The following ZNF331 variants were observed in gnomAD, a reference collection of about 807,000 sequenced individuals.
ZNF331 encodes the protein C2H2-like zinc finger protein rearranged in thyroid adenomas.
A neutral mutation model predicts 7.0 loss-of-function variants in ZNF331; 2 were observed. That is an observed-to-expected ratio of 0.29 (90% CI 0.12 to 0.90). ZNF331 has a LOEUF of 0.90. ZNF331 is among the 40% of genes least tolerant of loss of function. The pLI is 0.58. For missense variants in ZNF331, 432 were observed against 587.7 expected (o/e 0.74, Z 2.74); for synonymous variants, 196 against 205.4 (o/e 0.95, Z 0.39).
chr19:53,522,256 G>GTTTTTTT (rs560872830), intron 1 of ZNF331, among the ~76,000 whole-genome samples: 5 of 139,568 alleles, frequency 3.6e-5, no homozygotes, highest in Non-Finnish European at 4.7e-5. Context: ...TTCTTTCTTT[G>GTTTTTTT]TTTTTTTTTT....
intron 3 of ZNF331, among the ~76,000 whole-genome samples, chr19:53,561,877 A>G (rs867333009): frequency 2.0e-5 from 3 of 152,036 alleles, no homozygotes; most frequent in Non-Finnish European, 4.4e-5. Context: ...GCCGGGTGCA[A>G]TGGCTTGTGC....
intron 2 of ZNF331, among the ~76,000 whole-genome samples, chr19:53,547,840 T>A (rs1166226131): frequency 6.6e-6 from 1 of 152,222 alleles, no homozygotes. Flanking sequence ...AAGAAATGGC[T>A]GTTCAAGTTT....
At chr19:53,518,450 C>T (rs1197213791), upstream of ZNF331, among the ~76,000 whole-genome samples, 1 of 152,162 alleles carries the variant, frequency 6.6e-6, no homozygotes, top group East Asian at 1.9e-4. Context: ...ATCGTCTAAG[C>T]CAATTCTCCC....
the ZNF331 span, chr19:53,511,928 A>C: frequency 7.9e-5 from 12 of 152,226 alleles, no homozygotes; most frequent in Non-Finnish European, 1.8e-4. Flanking sequence ...TTCTGAGTAT[A>C]TCGTTCAAGT....
rs371402332 is a variant in ZNF331, at chr19:53,544,365, G to A, written c.-138+5083G>A. Among the ~76,000 whole-genome samples the A allele has an allele frequency of 6.6e-5, 10 of 150,646 alleles. No individual in the cohort carries two copies. In the East Asian group the frequency reaches 1.2e-3, roughly 18 times the overall value. On this transcript the variant is annotated intron_variant, in intron 2 of 5. Transcript: ENST00000449416. ...TGGAGACCATCCTGGCTAACACGGT[G>A]AAACCCCATCTCTACTAAAAATACA...
chr19:53,577,202 C>T lies in ZNF331; in HGVS notation c.642C>T (p.Pro214=), dbSNP rs1185463668. ...AGAGGATTCATACTGGTGAAAAACC[C>T]TATGAATGTAAAGACTGTGGAAAGG... The part of the protein sequence containing the change: ...IHKRIHTGEK[P]YECKDCGKAF... The change falls in exon 6 of 6, where the codon CCC becomes CCT. Residue 214 remains proline (P), a synonymous_variant. Transcript: ENST00000449416. 1 of 1,613,512 alleles carries T rather than the reference C, an allele frequency of 6.2e-7. No homozygotes were observed. The highest frequency in any genetic ancestry group is 8.5e-7 in the Non-Finnish European group (1 of 1,179,906).
At chr19:53,541,230 T>C (rs1020549156) in intron 2 of ZNF331, among the ~76,000 whole-genome samples, 2 of 151,526 alleles carry the variant, frequency 1.3e-5, no homozygotes, top group African/African-American at 2.4e-5. Flanking sequence ...CTCAGTCTCC[T>C]GAGTAGCTTG....
upstream of ZNF331, chr19:53,538,026 G>T (rs773104537): frequency 1.4e-4 from 21 of 152,310 alleles, no homozygotes; most frequent in African/African-American, 4.6e-4. Context: ...GTGCACATAC[G>T]TGTAGGGGTC....
Position 53,579,685 on chromosome 19 carries a change from T to A in ZNF331, c.*1733T>A. 1 of 199,606 alleles carries A rather than the reference T, an allele frequency of 5.0e-6. No homozygotes were observed. The highest frequency in any genetic ancestry group is 1.0e-5 in the Non-Finnish European group (1 of 96,602). 12.4% of individuals were successfully genotyped at this position (199,606 alleles called of 1,614,324 possible). The stretch of plus-strand genomic sequence containing the variant: ...CTTCTAGAAGAAAACATTAAGAGAT[T>A]ATTGGCACAGCCGTGGGTTACGCAA... On this transcript the variant is annotated 3_prime_UTR_variant, in exon 6 of 6. Transcript: ENST00000449416.
chr19:53,536,772 G>A (rs1416732701), upstream of ZNF331, among the ~76,000 whole-genome samples: 1 of 152,158 alleles, frequency 6.6e-6, no homozygotes, highest in Admixed American at 6.5e-5. Context: ...GCGTGGTAGC[G>A]CATGCCTGTC....
intron 2 of ZNF331, 167 bp from the exon 3 acceptor site, chr19:53,555,678 G>A (rs1014217190): frequency 3.3e-5 from 5 of 152,194 alleles, no homozygotes; most frequent in Admixed American, 3.3e-4. Context: ...AGAGGGACAC[G>A]TCCCTGATGT....
intron 1 of ZNF331, chr19:53,538,949 T>A (rs2087933954): frequency 6.6e-6 from 1 of 152,306 alleles, no homozygotes; most frequent in African/African-American, 2.4e-5. Flanking sequence ...GAAACAGCCA[T>A]GAGGTGACGC....
rs1158002994 is a variant in ZNF331, at chr19:53,570,035, C to G, written c.9+650C>G. Reference sequence around the variant, plus strand: ...CTTTGGGAGGCCCAGGTGGGTGGATCACTTGTGGTCAGGAGTTCAAAACCA... The same window carrying G: ...CTTTGGGAGGCCCAGGTGGGTGGATGACTTGTGGTCAGGAGTTCAAAACCA... On this transcript the variant is annotated intron_variant, in intron 4 of 5. Transcript: ENST00000449416. 2.6e-5 allele frequency among the ~76,000 whole-genome samples: 4 copies of G among 152,232 alleles called. No individual in the cohort carries two copies. The East Asian group carries it at 7.7e-4, about 29-fold the overall frequency.
upstream of ZNF331, among the ~76,000 whole-genome samples, chr19:53,516,442 C>T (rs1311953025): frequency 2.4e-5 from 3 of 123,004 alleles, no homozygotes; most frequent in Non-Finnish European, 5.1e-5. Context: ...GAACGAGACT[C>T]CATCTCAAAA....
At chr19:53,522,108 G>C (rs2087107093) in intron 1 of ZNF331, 1 of 152,162 alleles carries the variant, frequency 6.6e-6, no homozygotes, top group Non-Finnish European at 1.5e-5. Flanking sequence ...GAGGCGGGGA[G>C]GTGGTGAGAG....
intron 2 of ZNF331, among the ~76,000 whole-genome samples, chr19:53,549,973 C>T (rs1013219637): frequency 6.6e-6 from 1 of 152,164 alleles, no homozygotes; most frequent in Non-Finnish European, 1.5e-5. Context: ...AATATTTTTA[C>T]AGTTTCTTCC....
chr19:53,570,906 G>C (rs534484129), intron 4 of ZNF331, among the ~76,000 whole-genome samples: 1 of 149,108 alleles, frequency 6.7e-6, no homozygotes, highest in African/African-American at 2.5e-5. Context: ...GCCCAGGCTG[G>C]AGTGCAGTGC....
At chr19:53,547,158 C>T (rs8110202) in intron 2 of ZNF331, among the ~76,000 whole-genome samples, 3,544 of 152,240 alleles carry the variant, frequency 0.023, 140 homozygotes, top group African/African-American at 0.082. Context: ...GACAATAAAT[C>T]TCCAGAAATT....
chr19:53,577,395 G>T lies in ZNF331; in HGVS notation c.835G>T (p.Ala279Ser). The part of the protein sequence containing the change: ...KPYECKDCGK[A>S]FICGSSLIQH... The stretch of plus-strand genomic sequence containing the variant: ...TTACGAGTGTAAAGACTGTGGGAAG[G>T]CTTTTATTTGTGGTTCAAGCCTCAT... The change falls in exon 6 of 6, where the codon GCT becomes TCT. Residue 279 changes from alanine (A) to serine (S), a missense_variant. Physicochemically the swap from Ala to Ser is moderately conservative, Grantham distance 99. Transcript: ENST00000449416. 1 of 1,614,220 alleles carries T rather than the reference G, an allele frequency of 6.2e-7. No individual in the cohort carries two copies. The highest frequency in any genetic ancestry group is 8.5e-7 in the Non-Finnish European group (1 of 1,180,028).
Sources: allele counts gnomAD v4.1 joint callset (sites outside exome capture counted in the v4.1 genomes callset), GRCh38; gene constraint gnomAD v4.1.1; transcripts MANE v1.5; gene names NCBI Gene and HGNC (gene_info 2026-07-23, HGNC 2026-07-21).